The following SH3BP2 variants were observed in gnomAD, a reference collection of about 807,000 sequenced individuals.
SH3BP2 encodes the protein SH3 domain binding protein 2, also known as SH3 domain-binding protein 2.
A neutral mutation model predicts 56.2 loss-of-function variants in SH3BP2; 38 were observed. The ratio of observed to expected loss-of-function variants is 0.68; its 90% CI spans 0.52 to 0.89. The LOEUF is 0.89. Ranked by LOEUF, SH3BP2 falls within the 40% of genes least tolerant of loss-of-function variation. The pLI is 0.00. For missense variants in SH3BP2, 748 were observed against 762.6 expected (o/e 0.98, Z 0.23); for synonymous variants, 346 against 316.7 (o/e 1.09, Z -0.98).
chr4:2,813,111 CAG>C (rs1344734172), intron 1 of SH3BP2, among the ~76,000 whole-genome samples: 1 of 152,168 alleles, frequency 6.6e-6, no homozygotes, highest in Non-Finnish European at 1.5e-5. Context: ...ATTATGTTAA[CAG>C]AGAAAGATTC....
rs189091738 is a variant in SH3BP2, at chr4:2,810,613, T to G, written c.-4-10001T>G. ...GTTGGCCACCTCATTGCCTGTGGAT[T>G]CCTCCCAACCCTGGGGTGTGCTCAC... On this transcript the variant is annotated intron_variant, in intron 1 of 12. Coordinates refer to ENST00000503393, the MANE Select transcript of SH3BP2 (RefSeq NM_001122681.2). The surrounding 1 kb of genome is among the most constrained non-coding windows in gnomAD (Gnocchi z 4.2). Among the ~76,000 whole-genome samples, 2 of 151,870 alleles carry G rather than the reference T, an allele frequency of 1.3e-5. No homozygotes were observed. Among genetic ancestry groups the G allele is most frequent in the Non-Finnish European group, 2.9e-5 (2 of 67,938 alleles).
In SH3BP2 at chr4:2,829,651, C is replaced by G; in HGVS notation, c.745C>G (p.Leu249Val). ...TAAGCACGGCCTCCCAGATGTTGGCCTGGCTGCTGAGGACTCCAAGAGGGA... is the reference window on the plus strand; with the variant it reads ...TAAGCACGGCCTCCCAGATGTTGGCGTGGCTGCTGAGGACTCCAAGAGGGA... ...PPKHGLPDVG[L>V]AAEDSKRDPL... Residue 249 changes from leucine (L) to valine (V), a missense_variant, in exon 8 of 13, where the codon CTG becomes GTG. Around this residue, in one of 3 missense-constraint regions of SH3BP2, gnomAD observed 635 missense variants for 615.0 expected, o/e 1.03. Transcript: ENST00000503393. This position sits in a 1 kb window ranked among gnomAD's most constrained non-coding sequence, Gnocchi z 4.9. 1 of 1,613,244 alleles carries G rather than the reference C, an allele frequency of 6.2e-7. No individual in the cohort carries two copies. Among genetic ancestry groups the G allele is most frequent in the Non-Finnish European group, 8.5e-7 (1 of 1,179,862 alleles).
intron 1 of SH3BP2, among the ~76,000 whole-genome samples, chr4:2,811,239 TGCACAGCCGGTTACGGG>T (rs1426968018): frequency 2.0e-5 from 3 of 152,208 alleles, no homozygotes; most frequent in Non-Finnish European, 2.9e-5. Flanking sequence ...GCTTGGGACC[TGCACAGCCGGTTACGGG>T]GCTGGGGTCC....
intron 1 of SH3BP2, among the ~76,000 whole-genome samples, chr4:2,813,471 G>C (rs764880509): frequency 1.3e-5 from 2 of 152,238 alleles, no homozygotes; most frequent in Admixed American, 6.5e-5. Context: ...TCCTCTCCCA[G>C]CCTCTATACC....
intron 12 of SH3BP2, 48 bp from the exon 13 acceptor site, chr4:2,833,649 G>T: frequency 1.9e-6 from 3 of 1,586,146 alleles, no homozygotes; most frequent in South Asian, 2.3e-5. Context: ...GCCTAGAGCC[G>T]CAGAGTGGCC....
intron 5 of SH3BP2, among the ~76,000 whole-genome samples, chr4:2,825,943 G>C (rs1224010427): frequency 6.6e-6 from 1 of 152,252 alleles, no homozygotes; most frequent in Non-Finnish European, 1.5e-5. Context: ...GATGTGGAGG[G>C]AACAAACCTT....
rs897936422 is a variant in SH3BP2, at chr4:2,840,851, T to C, written c.*7017T>C. ...CTGATTCATGAACATGGTTTACCTC[T>C]CTTTCCATTTGGGTCTTCTTTAAGG... On this transcript the variant is annotated 3_prime_UTR_variant, in exon 13 of 13. Coordinates refer to ENST00000503393, the MANE Select transcript of SH3BP2 (RefSeq NM_001122681.2). 11 of 152,250 alleles carry C rather than the reference T, an allele frequency of 7.2e-5. No homozygotes were observed. The highest frequency in any genetic ancestry group is 2.4e-4 in the African/African-American group (10 of 41,466). The allele number at this position is 152,250 out of a possible 1,614,324, so 9.4% of individuals were successfully genotyped here. A position where few individuals can be genotyped will look rare whatever the true frequency, so the allele number is the denominator to read the frequency against.
intron 5 of SH3BP2, among the ~76,000 whole-genome samples, chr4:2,825,551 C>G (rs1488921877): frequency 6.6e-6 from 1 of 151,846 alleles, no homozygotes; most frequent in Non-Finnish European, 1.5e-5. Context: ...CACACAGCAA[C>G]ACGCAGACAT....
chr4:2,825,528 G>GGACATGCACACACACACAGCAACACGTA (rs1560107481), intron 5 of SH3BP2, among the ~76,000 whole-genome samples: 4 of 145,192 alleles, frequency 2.8e-5, no homozygotes, highest in Admixed American at 6.8e-5. Flanking sequence ...AGCAACACGT[G>GGACATGCACACACACACAGCAACACGTA]GACATGCACA....
intron 1 of SH3BP2, chr4:2,796,475 T>C (rs1723066590): frequency 2.0e-6 from 2 of 984,954 alleles, no homozygotes; most frequent in African/African-American, 1.7e-5. Context: ...CGCCCTGAGG[T>C]GACTGGCCCT....
chr4:2,824,770 G>A, intron 4 of SH3BP2, 40 bp downstream of exon 4: 1 of 1,464,718 alleles, frequency 6.8e-7, no homozygotes, highest in Non-Finnish European at 9.6e-7. Context: ...GTGACTGGGG[G>A]TGTGGGCCTG....
At position 2,838,872 on chromosome 4, in the gene SH3BP2, G is replaced by C. The variant is rs556213918; in HGVS notation, c.*5038G>C. The C allele has an allele frequency of 1.3e-5, 2 of 152,194 alleles. No homozygotes were observed. The highest frequency in any genetic ancestry group is 4.1e-4 in the South Asian group (2 of 4,830). 9.4% of individuals were successfully genotyped at this position (152,194 alleles called of 1,614,324 possible). On this transcript the variant is annotated 3_prime_UTR_variant, in exon 13 of 13. Coordinates refer to ENST00000503393, the MANE Select transcript of SH3BP2 (RefSeq NM_001122681.2). ...TGCAAATGGTGCACAAATTTTTCTA[G>C]GGTTTGTACTCAGGAGTCTGACTCC...
chr4:2,823,335 A>G, intron 3 of SH3BP2: 2 of 520,130 alleles, frequency 3.8e-6, no homozygotes, highest in South Asian at 3.1e-5. Context: ...CCACCCAGTG[A>G]CTTCTGCATC....
rs977514013 is a variant in SH3BP2, at chr4:2,831,457, A to G, written c.1242-114A>G. 3 of 795,744 alleles carry G rather than the reference A, an allele frequency of 3.8e-6. No individual in the cohort carries two copies. Among genetic ancestry groups the G allele is most frequent in the Non-Finnish European group, 6.5e-6 (3 of 459,786 alleles). 49.3% of individuals were successfully genotyped at this position (795,744 alleles called of 1,614,324 possible). A position where few individuals can be genotyped will look rare whatever the true frequency, so the allele number is the denominator to read the frequency against. Reference sequence around the variant, plus strand: ...TGAGCTTTTTAGGGTCACAGGGGCCATAGCAGGCAGCTTGCCGTCCTCACA... The same window carrying G: ...TGAGCTTTTTAGGGTCACAGGGGCCGTAGCAGGCAGCTTGCCGTCCTCACA... On this transcript the variant is annotated intron_variant, in intron 8 of 12. Transcript: ENST00000503393. The surrounding 1 kb of genome is among the most constrained non-coding windows in gnomAD (Gnocchi z 4.1).
Position 2,838,295 on chromosome 4 carries a change from C to G in SH3BP2, c.*4461C>G, listed in dbSNP as rs902745213. ...CCTCTCTGCCCTGGCTTATGTGAGT[C>G]TTGTGTTCTTGTTTTTCTAAAAAGT... On this transcript the variant is annotated 3_prime_UTR_variant, in exon 13 of 13. Coordinates refer to ENST00000503393, the MANE Select transcript of SH3BP2 (RefSeq NM_001122681.2). 2 of 152,224 alleles carry G rather than the reference C, an allele frequency of 1.3e-5. No homozygotes were observed. Among genetic ancestry groups the G allele is most frequent in the Admixed American group, 6.5e-5 (1 of 15,284 alleles). 9.4% of individuals were successfully genotyped at this position (152,224 alleles called of 1,614,324 possible). A position where few individuals can be genotyped will look rare whatever the true frequency, so the allele number is the denominator to read the frequency against.
chr4:2,832,249 C>T, intron 10 of SH3BP2, 82 bp from the exon 11 acceptor site: 1 of 1,254,180 alleles, frequency 8.0e-7, no homozygotes, highest in Non-Finnish European at 1.2e-6. Context: ...GACAGAAAGC[C>T]AGGCTTGGGA....
intron 1 of SH3BP2, among the ~76,000 whole-genome samples, chr4:2,800,891 G>C (rs1723247987): frequency 6.6e-6 from 1 of 152,192 alleles, no homozygotes; most frequent in Non-Finnish European, 1.5e-5. Flanking sequence ...TGTCCGGCGA[G>C]GTAGGGCATG....
rs757415457 is a variant in SH3BP2 at position 2,824,717 on chromosome 4, A to C, written c.344A>C (p.Glu115Ala). The change falls in exon 4 of 13, where the codon GAG (glutamate) becomes GCG (alanine). Residue 115 changes from glutamate (E) to alanine (A), a missense_variant. Coordinates refer to ENST00000503393, the MANE Select transcript of SH3BP2 (RefSeq NM_001122681.2). ...ACGTGGTTCTTCTCGGCCTCCTCCG[A>C]GGAGGAGCGCAAGGTGACTGGGGGT... The part of the protein sequence containing the change: ...HRTWFFSASS[E>A]EERKSWMALL... 4 of 1,611,606 alleles carry C rather than the reference A, an allele frequency of 2.5e-6. No homozygotes were observed. The highest frequency in any genetic ancestry group is 3.4e-6 in the Non-Finnish European group (4 of 1,178,064).
Position 2,825,178 on chromosome 4 carries a change from A to G in SH3BP2, c.410A>G (p.Asp137Gly), listed in dbSNP as rs777468144. The G allele has an allele frequency of 1.3e-5, 21 of 1,581,368 alleles. 1 individual carries two copies. The Admixed American group carries it at 2.9e-4, about 22-fold the overall frequency. Residue 137 changes from aspartate (D) to glycine (G), a missense_variant, in exon 5 of 13, where the codon GAC becomes GGC. Physicochemically the swap from Asp to Gly is moderately conservative, Grantham distance 94. Around this residue, in one of 3 missense-constraint regions of SH3BP2, gnomAD observed 635 missense variants for 615.0 expected, o/e 1.03. Coordinates refer to ENST00000503393, the MANE Select transcript of SH3BP2 (RefSeq NM_001122681.2). ...REIGHFHEKK[D>G]LPLDTSDSSS... ...ATTGGCCACTTCCACGAAAAGAAAG[A>G]CCTGCCCTTGGACACCAGGTGAGCC...
Sources: allele counts gnomAD v4.1 joint callset (sites outside exome capture counted in the v4.1 genomes callset), GRCh38; gene constraint gnomAD v4.1.1; regional missense constraint gnomAD v4.1.1; non-coding constraint Gnocchi (gnomAD v3.1); transcripts MANE v1.5; gene names NCBI Gene and HGNC (gene_info 2026-07-23, HGNC 2026-07-21).